The following LGR5 variants were observed in gnomAD, a reference collection of about 807,000 sequenced individuals.
LGR5 encodes leucine-rich repeat-containing G protein-coupled receptor 5.
In LGR5, 54 loss-of-function variants were observed where a neutral mutation model predicts 76.7. That is an observed-to-expected ratio of 0.70 (90% CI 0.57 to 0.88). The LOEUF (loss-of-function observed/expected upper bound fraction) is 0.88. Ranked by LOEUF, LGR5 falls within the 40% of genes least tolerant of loss-of-function variation. The probability of loss-of-function intolerance (pLI) is 0.00; values close to 1 mark genes in which losing one functional copy is unlikely to be tolerated. For synonymous variants in LGR5, 406 were observed against 421.9 expected, an observed-to-expected ratio of 0.96 and a Z score of 0.46; for missense variants, 1,078 against 1,073.3, an observed-to-expected ratio of 1.00 and a Z score of -0.06.
At chr12:71,531,741 G>A (rs1876322448) in intron 3 of LGR5, among the ~76,000 whole-genome samples, 2 of 152,060 alleles carry the variant, frequency 1.3e-5, no homozygotes, top group Admixed American at 6.6e-5. Flanking sequence ...AGTGGCGCAC[G>A]CCTCTAATCC....
intron 1 of LGR5, among the ~76,000 whole-genome samples, chr12:71,481,327 A>G (rs1248657326): frequency 6.6e-6 from 1 of 151,188 alleles, no homozygotes; most frequent in African/African-American, 2.4e-5. Context: ...ATTCCCACTT[A>G]TGAGTGAGAA....
At chr12:71,511,397 CTG>C (rs1289501773) in intron 2 of LGR5, among the ~76,000 whole-genome samples, 2 of 152,188 alleles carry the variant, frequency 1.3e-5, no homozygotes, top group Non-Finnish European at 2.9e-5. Context: ...ATCAGGAACT[CTG>C]GGGGTTAAAC....
chr12:71,574,411 A>T (rs1878759045), intron 13 of LGR5, among the ~76,000 whole-genome samples: 1 of 150,296 alleles, frequency 6.7e-6, no homozygotes, highest in Non-Finnish European at 1.5e-5. Flanking sequence ...TTCCCCTGTG[A>T]CCTCACATTC....
At chr12:71,574,100 G>A (rs1229376659) in intron 13 of LGR5, among the ~76,000 whole-genome samples, 4 of 151,558 alleles carry the variant, frequency 2.6e-5, no homozygotes, top group East Asian at 2.0e-4. Flanking sequence ...TCAGGAGTTC[G>A]AGACCAGCCT....
At chr12:71,498,938 A>C (rs554116147) in intron 1 of LGR5, among the ~76,000 whole-genome samples, 25 of 152,374 alleles carry the variant, frequency 1.6e-4, no homozygotes, top group African/African-American at 6.0e-4. Flanking sequence ...AAAGGCTCGC[A>C]GCAGTTCCCA....
intron 8 of LGR5, 96 bp from the exon 9 acceptor site, chr12:71,566,308 C>T (rs567843385): frequency 3.0e-5 from 23 of 774,504 alleles, no homozygotes; most frequent in Non-Finnish European, 3.4e-5. Flanking sequence ...ATTAAAATTA[C>T]ATAAGTACAT....
At position 71,559,597 on chromosome 12, in the gene LGR5, A is replaced by G; in HGVS notation, c.728A>G (p.Tyr243Cys). ...LHSLETLDLN[Y>C]NNLDEFPTAI... Reference sequence around the variant, plus strand: ...GTACTCATTTTCAGAGATTTAAATTACAATAACCTTGATGAATTCCCCACT... The same window carrying G: ...GTACTCATTTTCAGAGATTTAAATTGCAATAACCTTGATGAATTCCCCACT... The change falls in exon 7 of 18, where the codon TAC becomes TGC. Residue 243 changes from tyrosine to cysteine, a missense_variant. Coordinates refer to ENST00000266674, the MANE Select transcript of LGR5 (RefSeq NM_003667.4). 1 of 1,555,474 alleles carries G rather than the reference A, an allele frequency of 6.4e-7. No individual in the cohort carries two copies. Among genetic ancestry groups the G allele is most frequent in the Non-Finnish European group, 8.9e-7 (1 of 1,127,028 alleles).
chr12:71,481,995 T>C (rs1873628089), intron 1 of LGR5, among the ~76,000 whole-genome samples: 1 of 152,186 alleles, frequency 6.6e-6, no homozygotes, highest in Non-Finnish European at 1.5e-5. Flanking sequence ...TTCTTTTCAT[T>C]GTCCAATTAT....
chr12:71,503,583 A>C (rs1308308426), intron 1 of LGR5, among the ~76,000 whole-genome samples: 1 of 152,254 alleles, frequency 6.6e-6, no homozygotes, highest in Non-Finnish European at 1.5e-5. Flanking sequence ...GAATGAAATC[A>C]GCTGGTTAGG....
At chr12:71,570,344 G>A (rs920557410) in intron 11 of LGR5, among the ~76,000 whole-genome samples, 1 of 152,044 alleles carries the variant, frequency 6.6e-6, no homozygotes, top group South Asian at 2.1e-4. Flanking sequence ...TAAAGTGCTT[G>A]GTCAGTGTTA....
rs572981913 is a variant in LGR5, at chr12:71,445,678, A to G, written c.212+5386A>G. ...TTTTCTGTTTAATGGATTAAGCCCAATGGGAATGCCTGGCTTGAAACTGGA... is the reference window on the plus strand; with the variant it reads ...TTTTCTGTTTAATGGATTAAGCCCAGTGGGAATGCCTGGCTTGAAACTGGA... On this transcript the variant is annotated intron_variant, in intron 1 of 17. Coordinates refer to ENST00000266674, the MANE Select transcript of LGR5 (RefSeq NM_003667.4). Among the ~76,000 whole-genome samples the G allele has an allele frequency of 2.1e-4, 32 of 152,280 alleles. No homozygotes were observed. In the South Asian group the frequency reaches 4.1e-3, roughly 20 times the overall value.
At chr12:71,574,408 G>C (rs1878758758) in intron 13 of LGR5, among the ~76,000 whole-genome samples, 1 of 147,928 alleles carries the variant, frequency 6.8e-6, no homozygotes, top group South Asian at 2.2e-4. Flanking sequence ...TTCTTCCCCT[G>C]TGACCTCACA....
intron 2 of LGR5, among the ~76,000 whole-genome samples, chr12:71,512,175 G>A (rs1875190149): frequency 6.6e-6 from 1 of 152,064 alleles, no homozygotes; most frequent in Admixed American, 6.6e-5. Context: ...CATTTTAGTA[G>A]AGATGGGGTT....
intron 1 of LGR5, among the ~76,000 whole-genome samples, chr12:71,484,643 T>C (rs1310937641): frequency 6.6e-6 from 1 of 152,178 alleles, no homozygotes. Context: ...CTGTCATTAT[T>C]GTTTTCTGTG....
chr12:71,582,580 C>A (rs1879140331), intron 17 of LGR5, 41 bp downstream of exon 17: 1 of 1,410,354 alleles, frequency 7.1e-7, no homozygotes, highest in Admixed American at 1.7e-5. Context: ...CAGTATCCAC[C>A]ACTGATTCTG....
intron 3 of LGR5, among the ~76,000 whole-genome samples, chr12:71,525,067 ACTTC>A (rs921745825): frequency 1.3e-5 from 2 of 152,134 alleles, no homozygotes; most frequent in Non-Finnish European, 2.9e-5. Flanking sequence ...ATTATTGAAT[ACTTC>A]CTTCTTCTGG....
rs1391616062 is a variant in LGR5, at chr12:71,439,883, G to T, written c.-198G>T. 3 of 541,760 alleles carry T rather than the reference G, an allele frequency of 5.5e-6. No homozygotes were observed. The highest frequency in any genetic ancestry group is 9.6e-6 in the Non-Finnish European group (3 of 312,728). The allele number at this position is 541,760 out of a possible 1,614,324, so 33.6% of individuals were successfully genotyped here. On this transcript the variant is annotated 5_prime_UTR_variant, in exon 1 of 18. Coordinates refer to ENST00000266674, the MANE Select transcript of LGR5 (RefSeq NM_003667.4). ...CCAGGGCTGCTCCGAAGGCCGGCGT[G>T]GCGGCAACCGGCACCTCTGTCCCCG...
At position 71,509,217 on chromosome 12, in the gene LGR5, GC is replaced by G. The variant is rs1875021045; in HGVS notation, c.284+4533del. On this transcript the variant is annotated intron_variant, in intron 2 of 17. Coordinates refer to ENST00000266674, the MANE Select transcript of LGR5 (RefSeq NM_003667.4). ...TCACTAGGCCTCAGAGGAGAATGGT[GC>G]TGTCTGCCTTTTAAGGTGTTTCCAA... is the stretch of plus-strand genomic sequence containing the variant. 3.3e-5 allele frequency among the ~76,000 whole-genome samples: 5 copies of G among 152,270 alleles called. No homozygotes were observed. In the South Asian group the frequency reaches 1.0e-3, roughly 32 times the overall value.
At chr12:71,522,613 CTAT>C (rs1294315233) in intron 2 of LGR5, among the ~76,000 whole-genome samples, 5 of 152,010 alleles carry the variant, frequency 3.3e-5, no homozygotes, top group Admixed American at 3.3e-4. Context: ...TTTGTCTACT[CTAT>C]TTTTTTTTCT....
Sources: gnomAD v4.1 joint callset for allele counts (sites outside exome capture counted in the v4.1 genomes callset) on GRCh38, gnomAD v4.1.1 for gene constraint, MANE v1.5 for transcripts, NCBI Gene and HGNC (gene_info 2026-07-23, HGNC 2026-07-21) for gene names.